The following THSD7B variants were observed in gnomAD, a reference collection of about 807,000 sequenced individuals.
THSD7B encodes the protein thrombospondin type 1 domain containing 7B, also known as thrombospondin type-1 domain-containing protein 7B.
In THSD7B, 138 loss-of-function variants were observed where a neutral mutation model predicts 213.6. That is an observed-to-expected ratio of 0.65 (90% CI 0.56 to 0.74). The LOEUF (loss-of-function observed/expected upper bound fraction) is 0.74, where lower values mean the gene tolerates loss of function less well. Among genes scored for constraint, THSD7B ranks in the 30% least tolerant of loss-of-function variants. The pLI is 0.00. For missense variants in THSD7B, 1,931 were observed against 1,991.5 expected (o/e 0.97, Z 0.58); for synonymous variants, 742 against 687.0 (o/e 1.08, Z -1.25).
At chr2:137,130,010 T>A (rs997385323) in intron 5 of THSD7B, among the ~76,000 whole-genome samples, 1 of 152,140 alleles carries the variant, frequency 6.6e-6, no homozygotes, top group Non-Finnish European at 1.5e-5. Context: ...GTCTGACAGT[T>A]TTTATGTTTT....
intron 5 of THSD7B, among the ~76,000 whole-genome samples, chr2:137,140,863 C>T (rs555391253): frequency 2.1e-4 from 32 of 152,158 alleles, no homozygotes; most frequent in African/African-American, 6.7e-4. Context: ...AAAAATTAAG[C>T]AGGCTTAGAG....
At position 137,269,769 on chromosome 2, in the gene THSD7B, T is replaced by A. The variant is rs914044612; in HGVS notation, c.2267-2764T>A. ...GTATTATTATGATGCAGAGCTATCT[T>A]GGTAACCCTCTTTTTCTTTTTAAGC... On this transcript the variant is annotated intron_variant, in intron 10 of 27. Transcript: ENST00000409968. 2.0e-5 allele frequency among the ~76,000 whole-genome samples: 3 copies of A among 152,358 alleles called. No homozygotes were observed. The East Asian group carries it at 5.8e-4, about 29-fold the overall frequency.
intron 1 of THSD7B, among the ~76,000 whole-genome samples, chr2:136,821,054 T>G (rs1022796924): frequency 1.1e-4 from 16 of 152,192 alleles, no homozygotes; most frequent in African/African-American, 3.9e-4. Flanking sequence ...ATATTTGGAC[T>G]TTTTTGTGTA....
chr2:137,169,841 G>T (rs1680209459), intron 6 of THSD7B, among the ~76,000 whole-genome samples: 1 of 152,068 alleles, frequency 6.6e-6, no homozygotes, highest in Admixed American at 6.6e-5. Flanking sequence ...TTTAAAAATT[G>T]TGCATTAGTT....
intron 12 of THSD7B, among the ~76,000 whole-genome samples, chr2:137,357,964 G>T (rs1191641084): frequency 1.3e-5 from 2 of 152,112 alleles, no homozygotes; most frequent in Admixed American, 6.6e-5. Context: ...ATTACCACTT[G>T]TTCACATTTC....
intron 12 of THSD7B, among the ~76,000 whole-genome samples, chr2:137,297,216 C>T (rs1031218855): frequency 6.8e-5 from 10 of 147,634 alleles, no homozygotes; most frequent in Non-Finnish European, 1.3e-4. Context: ...CTGAAGAGTT[C>T]GAGGCTTCAC....
At chr2:137,444,474 G>T (rs952437583) in intron 14 of THSD7B, among the ~76,000 whole-genome samples, 1 of 151,536 alleles carries the variant, frequency 6.6e-6, no homozygotes, top group Non-Finnish European at 1.5e-5. Flanking sequence ...GAAGTCATTG[G>T]ATACTTTTTA....
intron 1 of THSD7B, among the ~76,000 whole-genome samples, chr2:136,808,861 A>G (rs1302183719): frequency 6.6e-6 from 1 of 152,208 alleles, no homozygotes; most frequent in Non-Finnish European, 1.5e-5. Context: ...AATTATGGCT[A>G]ATTTTCTTTT....
chr2:136,820,279 C>T (rs1221498146), intron 1 of THSD7B, among the ~76,000 whole-genome samples: 1 of 152,170 alleles, frequency 6.6e-6, no homozygotes, highest in Non-Finnish European at 1.5e-5. Context: ...CTCCAGAGAT[C>T]ATTTACTAAT....
chr2:137,306,774 A>AT (rs1257593256), intron 12 of THSD7B, among the ~76,000 whole-genome samples: 2 of 151,280 alleles, frequency 1.3e-5, no homozygotes, highest in East Asian at 1.9e-4. Context: ...AAGTGTTTTC[A>AT]TTTTTTGCCC....
At chr2:137,005,093 A>G (rs1034651192) in intron 2 of THSD7B, among the ~76,000 whole-genome samples, 1 of 152,232 alleles carries the variant, frequency 6.6e-6, no homozygotes, top group Non-Finnish European at 1.5e-5. Context: ...TATATGCACT[A>G]TGTAGCAGAA....
At chr2:137,320,395 A>T (rs1176114557) in intron 12 of THSD7B, among the ~76,000 whole-genome samples, 1 of 152,260 alleles carries the variant, frequency 6.6e-6, no homozygotes, top group Non-Finnish European at 1.5e-5. Flanking sequence ...AAAATGAATC[A>T]TCCAAATATA....
intron 7 of THSD7B, among the ~76,000 whole-genome samples, chr2:137,214,810 C>T (rs1301066538): frequency 6.6e-6 from 1 of 152,176 alleles, no homozygotes; most frequent in African/African-American, 2.4e-5. Context: ...ATATGTGCCA[C>T]ATTTTCTTTA....
At chr2:136,901,252 T>C (rs534576800) in intron 2 of THSD7B, among the ~76,000 whole-genome samples, 20 of 152,342 alleles carry the variant, frequency 1.3e-4, no homozygotes, top group Non-Finnish European at 2.6e-4. Flanking sequence ...AAGCAAGACA[T>C]AGCTACTGTT....
chr2:136,844,462 C>CAGAGAGAGAGAGAG (rs56716402), intron 1 of THSD7B, among the ~76,000 whole-genome samples: 3,141 of 142,518 alleles, frequency 0.022, 88 homozygotes, highest in East Asian at 0.11. Flanking sequence ...CCACCCAAAA[C>CAGAGAGAGAGAGAG]AGAGAGAGAG....
At chr2:136,975,240 G>T (rs781680581) in intron 2 of THSD7B, among the ~76,000 whole-genome samples, 13 of 151,986 alleles carry the variant, frequency 8.6e-5, no homozygotes, top group Non-Finnish European at 1.5e-4. Context: ...TGTTGCAATT[G>T]CTTTTGATGT....
chr2:136,988,385 A>C (rs1685704632), intron 2 of THSD7B, among the ~76,000 whole-genome samples: 1 of 152,222 alleles, frequency 6.6e-6, no homozygotes, highest in Non-Finnish European at 1.5e-5. Context: ...GCAGTGGAGG[A>C]AATAATACCT....
chr2:137,388,167 A>C (rs1685938322), intron 12 of THSD7B, among the ~76,000 whole-genome samples: 1 of 151,968 alleles, frequency 6.6e-6, no homozygotes, highest in African/African-American at 2.4e-5. Context: ...CTTACATTTC[A>C]TTTTCAATAG....
intron 10 of THSD7B, among the ~76,000 whole-genome samples, chr2:137,256,892 C>A (rs1235615227): frequency 1.3e-5 from 2 of 152,090 alleles, no homozygotes; most frequent in Non-Finnish European, 2.9e-5. Context: ...TATAAAGAAA[C>A]AAAATTTATT....
Sources: gnomAD v4.1 joint callset for allele counts (sites outside exome capture counted in the v4.1 genomes callset) on GRCh38, gnomAD v4.1.1 for gene constraint, MANE v1.5 for transcripts, NCBI Gene and HGNC (gene_info 2026-07-23, HGNC 2026-07-21) for gene names.